Variants in F8 observed in about 807,000 individuals in gnomAD.
F8 encodes antihemophilic factor.
In F8, 12 loss-of-function variants were observed where a neutral mutation model predicts 140.6. The observed-to-expected ratio is 0.09, with a 90% CI of 0.05 to 0.14. F8 has a LOEUF of 0.14. Ranked by LOEUF, F8 falls within the 10% of genes least tolerant of loss-of-function variation. The pLI is 1.00. For synonymous variants in F8, 585 were observed against 614.6 expected (o/e 0.95, Z 0.71); for missense variants, 1,354 against 1,720.7 (o/e 0.79, Z 3.77).
Position 154,927,933 on chromosome X carries a change from C to T in F8, c.5219+638G>A, listed in dbSNP as rs782679055. On this transcript the variant is annotated intron_variant, in intron 14 of 25. Transcript: ENST00000360256. ...GCTAATGTAACACTCTACCGTATTA[C>T]TCTATCATATTATTCTCTCTACCAT... is the stretch of plus-strand genomic sequence containing the variant. Among the ~76,000 whole-genome samples the T allele has an allele frequency of 2.7e-5, 3 of 111,968 alleles. No individual in the cohort carries two copies. The South Asian group carries it at 1.1e-3, about 42-fold the overall frequency.
intron 1 of F8, among the ~76,000 whole-genome samples, chrX:155,010,840 A>C (rs904045782): frequency 1.8e-5 from 2 of 111,712 alleles, no homozygotes; most frequent in East Asian, 5.5e-4. Flanking sequence ...GCTCATCTGC[A>C]GGCTATATAG....
intron 25 of F8, among the ~76,000 whole-genome samples, chrX:154,854,077 T>C (rs1557272323): frequency 8.9e-6 from 1 of 112,062 alleles, no homozygotes. Flanking sequence ...TAACTCTCCA[T>C]TTCTTCCCCA....
At chrX:154,916,670 A>G (rs1387831368) in intron 14 of F8, among the ~76,000 whole-genome samples, 1 of 110,973 alleles carries the variant, frequency 9.0e-6, no homozygotes, top group Non-Finnish European at 1.9e-5. Flanking sequence ...GATTTCAATT[A>G]TTTGGGTCTT....
rs185795972 is a variant in F8, at chrX:154,982,320, G to A, written c.787+2367C>T. Among the ~76,000 whole-genome samples the A allele has an allele frequency of 2.7e-3, 285 of 105,718 alleles. 1 individual carries two copies. Among genetic ancestry groups the A allele is most frequent in the African/African-American group, 9.1e-3 (265 of 29,074 alleles). The allele number at this position is 105,718 out of a possible 115,157, so 91.8% of individuals were successfully genotyped here. A position where few individuals can be genotyped will look rare whatever the true frequency, so the allele number is the denominator to read the frequency against. ...AAATTAGCCAGTCGAGGTGGCGGGC[G>A]CCTGTAGTCCCAGCTACTCGGGAGG... On this transcript the variant is annotated intron_variant, in intron 6 of 25. Transcript: ENST00000360256.
chrX:154,898,614 A>G (rs2072994846), intron 21 of F8, among the ~76,000 whole-genome samples: 1 of 112,386 alleles, frequency 8.9e-6, no homozygotes, highest in Admixed American at 9.4e-5. Flanking sequence ...ATTATCTGAA[A>G]TGAAGATGAT....
chrX:154,969,172 T>G (rs782600764), intron 7 of F8, among the ~76,000 whole-genome samples, 159 bp downstream of exon 7: 2 of 111,813 alleles, frequency 1.8e-5, no homozygotes, highest in Non-Finnish European at 3.8e-5. Flanking sequence ...AACTTTACAC[T>G]GGAAGCTGGA....
intron 13 of F8, among the ~76,000 whole-genome samples, chrX:154,944,925 A>C (rs1441942993): frequency 2.7e-5 from 3 of 110,937 alleles, no homozygotes; most frequent in Non-Finnish European, 5.7e-5. Flanking sequence ...AAGAACAAAA[A>C]ACCAAACACT....
intron 14 of F8, among the ~76,000 whole-genome samples, chrX:154,927,542 G>A (rs1457205268): frequency 8.9e-6 from 1 of 112,227 alleles, no homozygotes; most frequent in African/African-American, 3.2e-5. Flanking sequence ...GAGGTTCATT[G>A]CACAGCATCA....
At chrX:154,843,889 G>A (rs2072542246) in intron 25 of F8, among the ~76,000 whole-genome samples, 1 of 111,180 alleles carries the variant, frequency 9.0e-6, no homozygotes, top group Non-Finnish European at 1.9e-5. Context: ...GAATGGTATT[G>A]CCTAGGTTTT....
chrX:154,989,141 G>A (rs375425632), intron 4 of F8, among the ~76,000 whole-genome samples: 37 of 112,003 alleles, frequency 3.3e-4, no homozygotes, highest in South Asian at 2.6e-3. Flanking sequence ...TAAGTAGGAA[G>A]ACCCTGTGCC....
intron 13 of F8, among the ~76,000 whole-genome samples, chrX:154,939,922 C>G (rs1373589321): frequency 3.6e-5 from 4 of 112,286 alleles, no homozygotes; most frequent in African/African-American, 1.3e-4. Context: ...AGTGGACCTC[C>G]AGCAAACTCC....
intron 23 of F8, among the ~76,000 whole-genome samples, chrX:154,862,123 T>A (rs782785292): frequency 9.0e-6 from 1 of 110,780 alleles, no homozygotes; most frequent in South Asian, 3.9e-4. Context: ...GCCTCCCGAG[T>A]TCAAGCGATT....
At chrX:154,970,088 C>G (rs1307101709) in intron 6 of F8, among the ~76,000 whole-genome samples, 1 of 112,647 alleles carries the variant, frequency 8.9e-6, no homozygotes, top group Non-Finnish European at 1.9e-5. Context: ...ATCCTTGTTA[C>G]CATTCTCATC....
chrX:154,910,709 C>T (rs782308598), intron 14 of F8, among the ~76,000 whole-genome samples: 11 of 111,796 alleles, frequency 9.8e-5, no homozygotes, highest in Admixed American at 4.7e-4. Flanking sequence ...GATATGGCCT[C>T]GTGGGAAGGG....
At chrX:154,910,109 G>T (rs782593719) in intron 14 of F8, among the ~76,000 whole-genome samples, 79 of 111,442 alleles carry the variant, frequency 7.1e-4, no homozygotes, top group Non-Finnish European at 1.4e-3. Flanking sequence ...TGTAACCCTA[G>T]CCCCAACCCT....
intron 1 of F8, among the ~76,000 whole-genome samples, chrX:155,014,547 C>T (rs2073725129): frequency 8.9e-6 from 1 of 111,867 alleles, no homozygotes; most frequent in Non-Finnish European, 1.9e-5. Flanking sequence ...AAGTGCAAAA[C>T]GCTACTAGAG....
Position 154,902,104 on chromosome X carries a change from A to C in F8, c.6062T>G (p.Ile2021Ser), listed in dbSNP as rs1557275992. Residue 2021 changes from isoleucine to serine, a missense_variant, in exon 19 of 26, where the codon ATT (isoleucine) becomes AGT (serine). Physicochemically the swap from Ile to Ser is moderately radical, Grantham distance 142. Coordinates refer to ENST00000360256, the MANE Select transcript of F8 (RefSeq NM_000132.4). Reference sequence around the variant, plus strand: ...CATCCCAGCATGTAGATGCTCGCCAATAAGGCATTCCACCCGCCAAATTCC... The same window carrying C: ...CATCCCAGCATGTAGATGCTCGCCACTAAGGCATTCCACCCGCCAAATTCC... ...KAGIWRVECLIGEHLHAGMST... is the reference protein window; with the variant it reads ...KAGIWRVECLSGEHLHAGMST... 3 of 1,211,617 alleles carry C rather than the reference A, an allele frequency of 2.5e-6. No homozygotes were observed. In the East Asian group the frequency reaches 8.9e-5, roughly 36 times the overall value.
chrX:154,993,841 T>C (rs2073602208), intron 3 of F8, among the ~76,000 whole-genome samples: 1 of 112,651 alleles, frequency 8.9e-6, no homozygotes, highest in South Asian at 3.6e-4. Flanking sequence ...TTAAACTTTG[T>C]TCTTTCCTAG....
intron 25 of F8, among the ~76,000 whole-genome samples, chrX:154,843,793 C>A (rs918478890): frequency 1.2e-4 from 13 of 111,639 alleles, no homozygotes; most frequent in Non-Finnish European, 1.9e-4. Context: ...TCTTTAGTTT[C>A]ATTAGATCCC....
Sources: allele counts gnomAD v4.1 joint callset (sites outside exome capture counted in the v4.1 genomes callset), GRCh38; gene constraint gnomAD v4.1.1; transcripts MANE v1.5; gene names NCBI Gene and HGNC (gene_info 2026-07-23, HGNC 2026-07-21).